Variants in INTS3 observed in about 807,000 individuals in gnomAD.
The protein encoded by INTS3 is integrator complex subunit 3, also known as SOSS complex subunit A.
Under a neutral mutation model 146.3 loss-of-function variants are expected in INTS3, and 34 were observed. The observed-to-expected ratio is 0.23, with a 90% confidence interval of 0.18 to 0.31. The LOEUF is 0.31. Ranked by LOEUF, INTS3 falls within the 10% of genes least tolerant of loss-of-function variation. The probability of loss-of-function intolerance (pLI) is 1.00; values close to 1 mark genes in which losing one functional copy is unlikely to be tolerated. For synonymous variants in INTS3, 475 were observed against 494.9 expected (o/e 0.96, Z 0.53); for missense variants, 757 against 1,304.2 (o/e 0.58, Z 6.46).
At position 153,773,391 on chromosome 1, in the gene INTS3, C is replaced by T. The variant is rs41265193; in HGVS notation, c.*121C>T. On this transcript the variant is annotated 3_prime_UTR_variant, in exon 30 of 30. Coordinates refer to ENST00000318967, the MANE Select transcript of INTS3 (RefSeq NM_023015.5). Reference sequence around the variant, plus strand: ...CCCTTGCTGCATCCCCAAGCTCCCCCGGTGGAAGGAGGAGCTTTCTCCTCT... The same window carrying T: ...CCCTTGCTGCATCCCCAAGCTCCCCTGGTGGAAGGAGGAGCTTTCTCCTCT... 1.1e-3 allele frequency: 1,074 copies of T among 944,380 alleles called. 1 individual carries two copies. Among genetic ancestry groups the T allele is most frequent in the Middle Eastern group, 4.8e-3 (18 of 3,756 alleles). 58.5% of individuals were successfully genotyped at this position (944,380 alleles called of 1,614,324 possible). A position where few individuals can be genotyped will look rare whatever the true frequency, so the allele number is the denominator to read the frequency against.
intron 10 of INTS3, among the ~76,000 whole-genome samples, chr1:153,759,072 A>G (rs1340026140): frequency 6.7e-6 from 1 of 149,026 alleles, no homozygotes; most frequent in African/African-American, 2.5e-5. Flanking sequence ...AGCCGTGATC[A>G]TGCCACTGCG....
intron 5 of INTS3, chr1:153,747,878 CT>C (rs1671807813): frequency 6.1e-6 from 1 of 163,036 alleles, no homozygotes; most frequent in African/African-American, 2.4e-5. Context: ...TCGGTGACAT[CT>C]GTCTGAGCTA....
At chr1:153,736,221 C>T (rs1242576951) in intron 1 of INTS3, among the ~76,000 whole-genome samples, 2 of 152,188 alleles carry the variant, frequency 1.3e-5, no homozygotes, top group East Asian at 3.8e-4. Flanking sequence ...GCTTTTTATT[C>T]AGGCTGAGCT....
intron 11 of INTS3, chr1:153,759,959 G>T: frequency 2.0e-6 from 1 of 489,558 alleles, no homozygotes; most frequent in East Asian, 3.4e-5. Context: ...AGGGCTACAA[G>T]CTGTTTCGGG....
rs2101838779 is a variant in INTS3 at position 153,774,790 on chromosome 1, A to G, written c.*1520A>G. ...TTCCCCAGTTTCCTCTGTCCCAATT[A>G]AAACCAGGATGGAGAGCATTTGCTG... is the stretch of plus-strand genomic sequence containing the variant. On this transcript the variant is annotated 3_prime_UTR_variant, in exon 30 of 30. Transcript: ENST00000318967. 3.2e-6 allele frequency: 1 copy of G among 307,852 alleles called. No homozygotes were observed. Among genetic ancestry groups the G allele is most frequent in the Non-Finnish European group, 6.0e-6 (1 of 166,716 alleles). The allele number at this position is 307,852 out of a possible 1,614,324, so 19.1% of individuals were successfully genotyped here.
intron 3 of INTS3, among the ~76,000 whole-genome samples, chr1:153,741,712 G>A (rs1184978153): frequency 6.6e-6 from 1 of 152,244 alleles, no homozygotes; most frequent in Admixed American, 6.5e-5. Context: ...ATCCAGAAGA[G>A]CATGGCCTGT....
chr1:153,769,504 C>T (rs1228542121), intron 22 of INTS3, among the ~76,000 whole-genome samples: 1 of 152,158 alleles, frequency 6.6e-6, no homozygotes, highest in African/African-American at 2.4e-5. Flanking sequence ...GGGTCCTTTC[C>T]TCCTCAGGCT....
At position 153,763,108 on chromosome 1, in the gene INTS3, C is replaced by T; in HGVS notation, c.1637-125C>T. ...CAGTCAGGGAGATGCTTCAGGCACT[C>T]ACACAGCATTGAGGAAACAGGTGCA... On this transcript the variant is annotated intron_variant, in intron 15 of 29. Coordinates refer to ENST00000318967, the MANE Select transcript of INTS3 (RefSeq NM_023015.5). 6 of 1,268,824 alleles carry T rather than the reference C, an allele frequency of 4.7e-6. No homozygotes were observed. In the South Asian group the frequency reaches 7.9e-5, roughly 17 times the overall value. 78.6% of individuals were successfully genotyped at this position (1,268,824 alleles called of 1,614,324 possible).
intron 20 of INTS3, 37 bp from the exon 21 acceptor site, chr1:153,767,637 G>C (rs755304211): frequency 1.3e-6 from 2 of 1,532,078 alleles, no homozygotes; most frequent in African/African-American, 2.8e-5. Context: ...TGGGCACTGG[G>C]GTCAGGCTGC....
intron 9 of INTS3, among the ~76,000 whole-genome samples, chr1:153,755,145 T>C (rs1428317811): frequency 6.6e-6 from 1 of 152,222 alleles, no homozygotes; most frequent in African/African-American, 2.4e-5. Flanking sequence ...AAGCTATGTA[T>C]GTTTCCAGAC....
intron 21 of INTS3, among the ~76,000 whole-genome samples, chr1:153,768,609 C>T (rs1473265961): frequency 6.6e-6 from 1 of 152,222 alleles, no homozygotes; most frequent in Non-Finnish European, 1.5e-5. Context: ...CTGGCTTTAT[C>T]TCTAGTAGTT....
At chr1:153,742,503 T>C (rs1671575595) in intron 3 of INTS3, among the ~76,000 whole-genome samples, 1 of 152,044 alleles carries the variant, frequency 6.6e-6, no homozygotes, top group Non-Finnish European at 1.5e-5. Flanking sequence ...TGTGTGTGTG[T>C]GTGTGCGTGC....
intron 11 of INTS3, 52 bp from the exon 12 acceptor site, chr1:153,760,254 AAAAAG>A (rs1672329242): frequency 1.0e-5 from 11 of 1,067,584 alleles, no homozygotes; most frequent in African/African-American, 3.2e-5. Flanking sequence ...AAAAAAAAAA[AAAAAG>A]AGAGAGAGAG....
At chr1:153,735,621 C>G (rs1158540199) in intron 1 of INTS3, among the ~76,000 whole-genome samples, 1 of 152,158 alleles carries the variant, frequency 6.6e-6, no homozygotes, top group African/African-American at 2.4e-5. Flanking sequence ...AAACCGTTAA[C>G]CTAGGCTGTG....
intron 25 of INTS3, among the ~76,000 whole-genome samples, chr1:153,771,281 ACCTTTCTG>A (rs1672853526): frequency 6.6e-6 from 1 of 151,936 alleles, no homozygotes; most frequent in South Asian, 2.1e-4. Context: ...TATCCTTCCT[ACCTTTCTG>A]CCTTCCTTCC....
rs1355518439 is a variant in INTS3 at position 153,774,787 on chromosome 1, A to G, written c.*1517A>G. On this transcript the variant is annotated 3_prime_UTR_variant, in exon 30 of 30. Transcript: ENST00000318967. The stretch of plus-strand genomic sequence containing the variant: ...TCCTTCCCCAGTTTCCTCTGTCCCA[A>G]TTAAAACCAGGATGGAGAGCATTTG... 5 of 303,714 alleles carry G rather than the reference A, an allele frequency of 1.6e-5. No homozygotes were observed. The highest frequency in any genetic ancestry group is 8.9e-5 in the African/African-American group (4 of 44,872). The allele number at this position is 303,714 out of a possible 1,614,324, so 18.8% of individuals were successfully genotyped here.
At chr1:153,763,452 G>T in intron 16 of INTS3, 90 bp downstream of exon 16, 1 of 1,399,364 alleles carries the variant, frequency 7.1e-7, no homozygotes, top group Non-Finnish European at 1.0e-6. Flanking sequence ...ATGGGGGTTG[G>T]AGGCAAACAT....
rs371673722 is a variant in INTS3 at position 153,762,887 on chromosome 1, C to T, written c.1636+40C>T. 30 of 1,609,098 alleles carry T rather than the reference C, an allele frequency of 1.9e-5. No homozygotes were observed. The African/African-American group carries it at 2.5e-4, about 14-fold the overall frequency. On this transcript the variant is annotated intron_variant, in intron 15 of 29. Transcript: ENST00000318967. ...AAGGGCTAGTTCAGGGTTGTGTCAG[C>T]CCTGAGAGGACCAGTTCCCAGAAGC...
At chr1:153,739,828 T>A (rs1671453274) in intron 1 of INTS3, among the ~76,000 whole-genome samples, 2 of 151,512 alleles carry the variant, frequency 1.3e-5, no homozygotes, top group South Asian at 4.2e-4. Flanking sequence ...AGAGTCTCGC[T>A]CTGTCGCCCA....
Sources: allele counts gnomAD v4.1 joint callset (sites outside exome capture counted in the v4.1 genomes callset), GRCh38; gene constraint gnomAD v4.1.1; transcripts MANE v1.5; gene names NCBI Gene and HGNC (gene_info 2026-07-23, HGNC 2026-07-21).